The following PKD1L3 variants were observed in gnomAD, a reference collection of about 807,000 sequenced individuals.
PKD1L3 encodes the protein polycystin-1-like protein 3.
PKD1L3 carries 239 observed loss-of-function variants against 184.1 expected under a neutral mutation model. That is an observed-to-expected ratio of 1.30 (90% CI 1.17 to 1.45). PKD1L3 has a LOEUF of 1.45. PKD1L3 is among the 40% of genes most tolerant of loss of function. The pLI is 0.00. For synonymous variants in PKD1L3, 996 were observed against 778.8 expected, an observed-to-expected ratio of 1.28 and a Z score of -4.64; for missense variants, 2,660 against 2,067.2, an observed-to-expected ratio of 1.29 and a Z score of -5.56.
At position 71,929,683 on chromosome 16, in the gene PKD1L3, G is replaced by T; in HGVS notation, c.5059-5C>A. 1 of 1,532,720 alleles carries T rather than the reference G, an allele frequency of 6.5e-7. No homozygotes were observed. The highest frequency in any genetic ancestry group is 1.2e-5 in the South Asian group (1 of 80,048). The allele number at this position is 1,532,720 out of a possible 1,614,324, so 94.9% of individuals were successfully genotyped here. ...ATCTATTAGTGCAGCTTCTTTCTGAGTATTGAAGACAAAAAGAGAAAAGTG... is the reference window on the plus strand; with the variant it reads ...ATCTATTAGTGCAGCTTCTTTCTGATTATTGAAGACAAAAAGAGAAAAGTG... On this transcript the variant is annotated splice_region_variant and splice_polypyrimidine_tract_variant and intron_variant, in intron 29 of 29. Coordinates refer to ENST00000620267, the MANE Select transcript of PKD1L3 (RefSeq NM_181536.2).
chr16:71,929,756 A>G, intron 29 of PKD1L3, 78 bp from the exon 30 acceptor site: 2 of 1,322,270 alleles, frequency 1.5e-6, no homozygotes, highest in Non-Finnish European at 2.0e-6. Flanking sequence ...AGTACCAAAG[A>G]TTTTTAAAAA....
chr16:71,958,528 C>T (rs1337103767), intron 16 of PKD1L3, among the ~76,000 whole-genome samples: 1 of 151,890 alleles, frequency 6.6e-6, no homozygotes, highest in South Asian at 2.1e-4. Flanking sequence ...GCCTGTAATC[C>T]CAGCATTTTG....
chr16:71,959,551 TA>T (rs2039190567), intron 16 of PKD1L3, among the ~76,000 whole-genome samples: 1 of 152,116 alleles, frequency 6.6e-6, no homozygotes, highest in South Asian at 2.1e-4. Context: ...AACAAAATGG[TA>T]AAACCATAAC....
At chr16:71,933,265 C>T (rs777369367) in intron 28 of PKD1L3, among the ~76,000 whole-genome samples, 155 bp downstream of exon 28, 13 of 152,168 alleles carry the variant, frequency 8.5e-5, no homozygotes, top group Admixed American at 1.3e-4. Flanking sequence ...ATGCTGTATG[C>T]ATAGGCAGTA....
chr16:71,954,469 C>A (rs937492362), intron 16 of PKD1L3, among the ~76,000 whole-genome samples, 168 bp from the exon 17 acceptor site: 3 of 152,096 alleles, frequency 2.0e-5, no homozygotes, highest in African/African-American at 7.2e-5. Context: ...ATTTTAAATT[C>A]TTTTACCATC....
At chr16:71,954,838 T>C (rs1244305493) in intron 16 of PKD1L3, among the ~76,000 whole-genome samples, 1 of 152,136 alleles carries the variant, frequency 6.6e-6, no homozygotes, top group African/African-American at 2.4e-5. Flanking sequence ...ATTACTGAGC[T>C]CCAGACCTGG....
chr16:71,963,027 T>C (rs1004906084), intron 16 of PKD1L3, among the ~76,000 whole-genome samples, 178 bp downstream of exon 16: 3 of 152,320 alleles, frequency 2.0e-5, no homozygotes, highest in African/African-American at 7.2e-5. Context: ...CTTTTTGTCT[T>C]CCTTCTGATT....
At chr16:71,935,211 T>C in intron 26 of PKD1L3, 147 bp downstream of exon 26, 3 of 820,102 alleles carry the variant, frequency 3.7e-6, no homozygotes, top group Non-Finnish European at 5.5e-6. Context: ...CTGTCTTCTC[T>C]GCTGTGGACA....
intron 23 of PKD1L3, 121 bp downstream of exon 23, chr16:71,943,909 G>A (rs2143251410): frequency 8.4e-7 from 1 of 1,186,598 alleles, no homozygotes. Flanking sequence ...AAATCTCACA[G>A]GGTGAAGATT....
chr16:71,966,599 T>C (rs1049884456), intron 15 of PKD1L3, among the ~76,000 whole-genome samples: 3 of 151,978 alleles, frequency 2.0e-5, no homozygotes, highest in South Asian at 4.1e-4. Context: ...GCGATTTTTT[T>C]TGAAATTTTT....
chr16:71,968,330 C>T (rs1254000956), intron 13 of PKD1L3, among the ~76,000 whole-genome samples: 1 of 152,186 alleles, frequency 6.6e-6, no homozygotes, highest in African/African-American at 2.4e-5. Context: ...GCTAAATCTG[C>T]ATTTCAGATA....
At position 71,993,807 on chromosome 16, in the gene PKD1L3, C is replaced by T. The variant is rs149705078; in HGVS notation, c.419-475G>A. On this transcript the variant is annotated intron_variant, in intron 2 of 29. Transcript: ENST00000620267. ...ATTCTTTTTTTTGAGACAATTTTTG[C>T]TCTGTTGCCCAGGCTGGAATGCAAT... is the stretch of plus-strand genomic sequence containing the variant. Among the ~76,000 whole-genome samples, 352 of 152,192 alleles carry T rather than the reference C, an allele frequency of 2.3e-3. 1 individual carries two copies. Among genetic ancestry groups the T allele is most frequent in the Non-Finnish European group, 4.1e-3 (277 of 68,020 alleles).
chr16:71,935,232 TTC>T, intron 26 of PKD1L3, 124 bp downstream of exon 26: 1 of 1,059,550 alleles, frequency 9.4e-7, no homozygotes, highest in Middle Eastern at 3.1e-4. Flanking sequence ...TGAGTCCAAG[TTC>T]TCTTTTAACT....
At chr16:71,943,545 A>AAAC (rs2038439358) in intron 23 of PKD1L3, among the ~76,000 whole-genome samples, 2 of 151,624 alleles carry the variant, frequency 1.3e-5, no homozygotes, top group African/African-American at 2.4e-5. Context: ...CTCAAAAAAA[A>AAAC]AAAAAAAAAA....
chr16:71,943,574 A>G (rs2038445854), intron 23 of PKD1L3, among the ~76,000 whole-genome samples: 1 of 150,570 alleles, frequency 6.6e-6, no homozygotes, highest in African/African-American at 2.4e-5. Context: ...AATCCCGCAC[A>G]AGAAATATGG....
intron 11 of PKD1L3, among the ~76,000 whole-genome samples, chr16:71,975,237 T>G (rs76915707): frequency 1.1e-4 from 17 of 151,422 alleles, no homozygotes; most frequent in South Asian, 2.1e-4. Flanking sequence ...TTTTTTTTTT[T>G]TGTGGAGACA....
rs1313440582 is a variant in PKD1L3 at position 71,963,358 on chromosome 16, T to C, written c.2466-7A>G. ...AATTACCTGGCTGACATACCTATAG[T>C]AAAATGAAGATAACCACATTAGGGA... On this transcript the variant is annotated splice_polypyrimidine_tract_variant and splice_region_variant and intron_variant, in intron 15 of 29. Coordinates refer to ENST00000620267, the MANE Select transcript of PKD1L3 (RefSeq NM_181536.2). 1 of 1,544,320 alleles carries C rather than the reference T, an allele frequency of 6.5e-7. No homozygotes were observed. The highest frequency in any genetic ancestry group is 1.2e-5 in the South Asian group (1 of 82,760).
intron 11 of PKD1L3, 45 bp from the exon 12 acceptor site, chr16:71,973,562 A>G (rs1360998288): frequency 6.8e-7 from 1 of 1,478,188 alleles, no homozygotes; most frequent in South Asian, 1.2e-5. Flanking sequence ...AATGGAACAA[A>G]AACACCAATG....
Position 71,930,047 on chromosome 16 carries a change from C to A in PKD1L3, c.5058+5G>T. ...AGCATGCTAGTTTATCTTTTAGTTA[C>A]CTACCTTAAGCGACTTTCTTTCTTT... On this transcript the variant is annotated splice_donor_5th_base_variant and intron_variant, in intron 29 of 29. Transcript: ENST00000620267. 1 of 1,545,732 alleles carries A rather than the reference C, an allele frequency of 6.5e-7. No individual in the cohort carries two copies. Among genetic ancestry groups the A allele is most frequent in the Non-Finnish European group, 8.7e-7 (1 of 1,144,962 alleles).
Sources: allele counts gnomAD v4.1 joint callset (sites outside exome capture counted in the v4.1 genomes callset), GRCh38; gene constraint gnomAD v4.1.1; transcripts MANE v1.5; gene names NCBI Gene and HGNC (gene_info 2026-07-23, HGNC 2026-07-21).